The following RHBDL2 variants were observed in gnomAD, a reference collection of about 807,000 sequenced individuals.
RHBDL2 encodes the protein rhomboid-related protein 2.
RHBDL2 carries 26 observed loss-of-function variants against 31.7 expected under a neutral mutation model. The ratio of observed to expected loss-of-function variants is 0.82; its 90% CI spans 0.60 to 1.14. RHBDL2 has a LOEUF of 1.14. Ranked by LOEUF, RHBDL2 falls within the 50% of genes most tolerant of loss-of-function variation. The pLI, the probability that RHBDL2 is intolerant of heterozygous loss-of-function variation, is 0.00. For synonymous variants in RHBDL2, 123 were observed against 127.2 expected (o/e 0.97, Z 0.22); for missense variants, 336 against 364.4 (o/e 0.92, Z 0.63).
intron 1 of RHBDL2, among the ~76,000 whole-genome samples, chr1:38,933,004 G>A (rs1329622416): frequency 2.0e-5 from 3 of 152,078 alleles, no homozygotes; most frequent in Non-Finnish European, 2.9e-5. Flanking sequence ...AAACAAAACC[G>A]TAAATCAGAG....
intron 4 of RHBDL2, among the ~76,000 whole-genome samples, chr1:38,910,389 A>C (rs1039225625): frequency 2.6e-5 from 4 of 152,222 alleles, no homozygotes; most frequent in Admixed American, 6.5e-5. Flanking sequence ...ATTTCTAACA[A>C]CTGCATGTAA....
chr1:38,889,762 G>A (rs572564217), intron 6 of RHBDL2, among the ~76,000 whole-genome samples: 2 of 152,304 alleles, frequency 1.3e-5, no homozygotes, highest in African/African-American at 2.4e-5. Context: ...GTAGTGCTTG[G>A]AAACATCTCT....
intron 4 of RHBDL2, among the ~76,000 whole-genome samples, chr1:38,902,514 G>C (rs1307044038): frequency 1.3e-5 from 2 of 151,064 alleles, no homozygotes; most frequent in East Asian, 3.9e-4. Flanking sequence ...CTGCTTCCCA[G>C]GTTTAAGCGA....
chr1:38,939,259 G>C (rs368979276), intron 1 of RHBDL2, among the ~76,000 whole-genome samples: 39 of 152,078 alleles, frequency 2.6e-4, no homozygotes, highest in Non-Finnish European at 5.7e-4. Flanking sequence ...TCTTTTCCTT[G>C]AGAGACAGTC....
At chr1:38,908,711 A>G (rs1319667030) in intron 4 of RHBDL2, among the ~76,000 whole-genome samples, 1 of 151,862 alleles carries the variant, frequency 6.6e-6, no homozygotes, top group Non-Finnish European at 1.5e-5. Flanking sequence ...GCAGTGATCT[A>G]GGGGTGAATT....
intron 1 of RHBDL2, chr1:38,929,549 A>G (rs1304968591): frequency 2.3e-6 from 3 of 1,289,138 alleles, no homozygotes; most frequent in East Asian, 5.5e-5. Flanking sequence ...TGTTTTTTCT[A>G]AACAGCTGGC....
chr1:38,929,662 A>G lies in RHBDL2; in HGVS notation c.-125-10325T>C, dbSNP rs1007287694. ...CTGGGCAGCGGGCTGTGCTGGGTGTAGCCAATTGCTGCCCAGCTGGGGCTG... is the reference window on the plus strand; with the variant it reads ...CTGGGCAGCGGGCTGTGCTGGGTGTGGCCAATTGCTGCCCAGCTGGGGCTG... On this transcript the variant is annotated intron_variant, in intron 1 of 7. Transcript: ENST00000372990. 95 of 861,922 alleles carry G rather than the reference A, an allele frequency of 1.1e-4. No individual in the cohort carries two copies. In the African/African-American group the frequency reaches 1.6e-3, roughly 15 times the overall value. The allele number at this position is 861,922 out of a possible 1,614,324, so 53.4% of individuals were successfully genotyped here. A position where few individuals can be genotyped will look rare whatever the true frequency, so the allele number is the denominator to read the frequency against.
intron 1 of RHBDL2, among the ~76,000 whole-genome samples, chr1:38,923,722 C>T (rs1236869992): frequency 6.6e-6 from 1 of 152,232 alleles, no homozygotes; most frequent in African/African-American, 2.4e-5. Context: ...CATTCATTTA[C>T]TTGGCACTCG....
At chr1:38,910,483 A>G (rs1048633372) in intron 4 of RHBDL2, among the ~76,000 whole-genome samples, 1 of 152,172 alleles carries the variant, frequency 6.6e-6, no homozygotes, top group Non-Finnish European at 1.5e-5. Flanking sequence ...TGGGAGTTCT[A>G]ATATTTTCTT....
intron 4 of RHBDL2, among the ~76,000 whole-genome samples, chr1:38,907,126 A>G (rs567246876): frequency 5.6e-4 from 86 of 152,366 alleles, no homozygotes; most frequent in Non-Finnish European, 1.0e-3. Context: ...ATTTTTTATA[A>G]TGGTGTAAAA....
intron 4 of RHBDL2, among the ~76,000 whole-genome samples, chr1:38,899,701 G>A: frequency 6.6e-6 from 1 of 152,212 alleles, no homozygotes; most frequent in East Asian, 1.9e-4. Context: ...CTTTGTCCTG[G>A]GTGGAGTGAT....
chr1:38,929,493 C>T (rs545512198), intron 1 of RHBDL2: 5 of 1,289,420 alleles, frequency 3.9e-6, no homozygotes, highest in Admixed American at 2.3e-5. Flanking sequence ...GAGCTTGTGC[C>T]GCTTGCCTAG....
intron 1 of RHBDL2, chr1:38,929,337 T>C: frequency 8.2e-7 from 1 of 1,213,290 alleles, no homozygotes; most frequent in South Asian, 1.3e-5. Context: ...GACACAAGCG[T>C]CCAGGACGGG....
chr1:38,921,134 C>T (rs1470763457), intron 1 of RHBDL2, among the ~76,000 whole-genome samples: 4 of 152,012 alleles, frequency 2.6e-5, no homozygotes, highest in Non-Finnish European at 4.4e-5. Context: ...CTGGGCCGGG[C>T]GTGGTGGCTC....
intron 1 of RHBDL2, among the ~76,000 whole-genome samples, chr1:38,939,197 G>A: frequency 6.6e-6 from 1 of 152,188 alleles, no homozygotes; most frequent in East Asian, 1.9e-4. Context: ...TGAAAGGCCA[G>A]TGTCTAGAGA....
intron 4 of RHBDL2, among the ~76,000 whole-genome samples, chr1:38,910,024 G>C (rs1643119110): frequency 1.3e-5 from 2 of 152,226 alleles, no homozygotes; most frequent in Non-Finnish European, 1.5e-5. Context: ...GCAATAAAAA[G>C]GAATAAACTA....
chr1:38,931,299 A>T (rs1269612063), intron 1 of RHBDL2, among the ~76,000 whole-genome samples: 1 of 152,154 alleles, frequency 6.6e-6, no homozygotes, highest in African/African-American at 2.4e-5. Flanking sequence ...AGGTGGGCAG[A>T]TCACGAGGTC....
Position 38,921,630 on chromosome 1 carries a change from G to A in RHBDL2, c.-125-2293C>T, listed in dbSNP as rs540923509. Among the ~76,000 whole-genome samples, 7 of 152,202 alleles carry A rather than the reference G, an allele frequency of 4.6e-5. No individual in the cohort carries two copies. The South Asian group carries it at 1.2e-3, about 27-fold the overall frequency. ...GTTATATTCAATAAATTGAGGAAGA[G>A]ACATCTTATTTTTCTTTTCCCCAGC... is the stretch of plus-strand genomic sequence containing the variant. On this transcript the variant is annotated intron_variant, in intron 1 of 7. Coordinates refer to ENST00000372990, the MANE Select transcript of RHBDL2 (RefSeq NM_017821.5).
intron 1 of RHBDL2, among the ~76,000 whole-genome samples, chr1:38,923,217 T>TAA (rs1322195667): frequency 6.6e-6 from 1 of 152,228 alleles, no homozygotes; most frequent in Non-Finnish European, 1.5e-5. Flanking sequence ...TATAAACTAT[T>TAA]AAAAGCATAT....
Sources: allele counts gnomAD v4.1 joint callset (sites outside exome capture counted in the v4.1 genomes callset), GRCh38; gene constraint gnomAD v4.1.1; transcripts MANE v1.5; gene names NCBI Gene and HGNC (gene_info 2026-07-23, HGNC 2026-07-21).